Variants in MON2 observed in about 807,000 individuals in gnomAD.
MON2 encodes the protein MON2 regulator of endosome-to-Golgi trafficking, also known as protein MON2 homolog.
A neutral mutation model predicts 208.6 loss-of-function variants in MON2; 84 were observed. That is an observed-to-expected ratio of 0.40 (90% CI 0.34 to 0.48). MON2 has a LOEUF of 0.48. Among genes scored for constraint, MON2 ranks in the 20% least tolerant of loss-of-function variants. The pLI, the probability that MON2 is intolerant of heterozygous loss-of-function variation, is 0.59. For missense variants in MON2, 1,611 were observed against 2,015.4 expected, an observed-to-expected ratio of 0.80 and a Z score of 3.84; for synonymous variants, 660 against 694.0, an observed-to-expected ratio of 0.95 and a Z score of 0.77.
At chr12:62,550,909 CTTTTTTTTTTTTTTTTT>C (rs869160726) in intron 23 of MON2, among the ~76,000 whole-genome samples, 2 of 43,810 alleles carry the variant, frequency 4.6e-5, no homozygotes, top group Admixed American at 2.4e-4. Context: ...TTCTTTCTTT[CTTTTTTTTTTTTTTTTT>C]TTTTTTTTCT....
At chr12:62,489,389 G>A (rs994367841) in intron 2 of MON2, among the ~76,000 whole-genome samples, 12 of 151,132 alleles carry the variant, frequency 7.9e-5, no homozygotes, top group African/African-American at 2.7e-4. Flanking sequence ...TCATTTCTTC[G>A]AACTTTTGTG....
chr12:62,548,779 T>A (rs1004330629), intron 22 of MON2, among the ~76,000 whole-genome samples: 2 of 152,192 alleles, frequency 1.3e-5, no homozygotes, highest in Non-Finnish European at 2.9e-5. Flanking sequence ...ATTATACTTA[T>A]CATTTTCATT....
At chr12:62,577,643 G>A (rs1259739710) in intron 30 of MON2, among the ~76,000 whole-genome samples, 2 of 151,962 alleles carry the variant, frequency 1.3e-5, no homozygotes, top group East Asian at 1.9e-4. Context: ...ATATTAGTAG[G>A]CATTCTAAGT....
intron 24 of MON2, among the ~76,000 whole-genome samples, chr12:62,555,751 G>A (rs1478761733): frequency 6.7e-6 from 1 of 149,672 alleles, no homozygotes; most frequent in Non-Finnish European, 1.5e-5. Flanking sequence ...AGAGGTTGCA[G>A]TGAGGCGAGA....
At position 62,597,467 on chromosome 12, in the gene MON2, C is replaced by T. The variant is rs1321964497; in HGVS notation, c.*4718C>T. 2.0e-5 allele frequency: 3 copies of T among 152,138 alleles called. No individual in the cohort carries two copies. The highest frequency in any genetic ancestry group is 2.1e-4 in the South Asian group (1 of 4,810). The allele number at this position is 152,138 out of a possible 1,614,324, so 9.4% of individuals were successfully genotyped here. On this transcript the variant is annotated 3_prime_UTR_variant, in exon 35 of 35. Transcript: ENST00000393630. ...ATACTTTGCACTTTGGCCACTGTTG[C>T]GTTTTTGCCAAGGTAAAGTTCCCCT...
At position 62,467,036 on chromosome 12, in the gene MON2, G is replaced by T. The variant is rs184094253; in HGVS notation, c.-172G>T. The T allele has an allele frequency of 7.0e-4, 391 of 562,342 alleles. 3 individuals are homozygous for T. Among genetic ancestry groups the T allele is most frequent in the African/African-American group, 6.8e-3 (352 of 51,500 alleles). 34.8% of individuals were successfully genotyped at this position (562,342 alleles called of 1,614,324 possible). ...TCCGAGAAAAGCCAGAGGTGTTGCG[G>T]GGAAGCTGCTGGGGGACGCTCGAGC... On this transcript the variant is annotated 5_prime_UTR_variant, in exon 1 of 35. Transcript: ENST00000393630.
chr12:62,475,214 G>T (rs1203791483), intron 1 of MON2, among the ~76,000 whole-genome samples: 1 of 151,930 alleles, frequency 6.6e-6, no homozygotes, highest in Admixed American at 6.6e-5. Flanking sequence ...TGTCTTTCAT[G>T]TTATGGCTTC....
At chr12:62,582,767 AC>A (rs1424701761) in intron 32 of MON2, among the ~76,000 whole-genome samples, 3 of 152,130 alleles carry the variant, frequency 2.0e-5, no homozygotes, top group Non-Finnish European at 4.4e-5. Flanking sequence ...TACATACAAA[AC>A]TTTTATTTGC....
Position 62,525,946 on chromosome 12 carries a change from C to T in MON2, c.1247-3C>T. The T allele has an allele frequency of 6.2e-7, 1 of 1,610,378 alleles. No individual in the cohort carries two copies. The highest frequency in any genetic ancestry group is 8.5e-7 in the Non-Finnish European group (1 of 1,178,526). On this transcript the variant is annotated splice_polypyrimidine_tract_variant and splice_region_variant and intron_variant, in intron 10 of 34. Transcript: ENST00000393630. ...TTTCTTTTTTTCCCTTCTTCTCTAA[C>T]AGGAAACAATAATTTAGGTGGCTCA...
chr12:62,491,562 T>C (rs184246852), intron 2 of MON2, among the ~76,000 whole-genome samples: 1 of 152,312 alleles, frequency 6.6e-6, no homozygotes, highest in Non-Finnish European at 1.5e-5. Flanking sequence ...GGGTCCTCTT[T>C]TAACTTCCAT....
chr12:62,481,515 C>CAAAA lies in MON2; in HGVS notation c.112-2638_112-2635dup, dbSNP rs5798644. On this transcript the variant is annotated intron_variant, in intron 1 of 34. Coordinates refer to ENST00000393630, the MANE Select transcript of MON2 (RefSeq NM_015026.3). ...TGGGCAACAGAGCGAGACTCCGTCT[C>CAAAA]AAAAAAAAAAAAAAAAAAAATTACT... Among the ~76,000 whole-genome samples the CAAAA allele has an allele frequency of 5.4e-5, 6 of 110,232 alleles. No homozygotes were observed. The South Asian group carries it at 9.8e-4, about 18-fold the overall frequency. 72.3% of individuals were successfully genotyped at this position (110,232 alleles called of 152,430 possible). A position where few individuals can be genotyped will look rare whatever the true frequency, so the allele number is the denominator to read the frequency against.
intron 1 of MON2, among the ~76,000 whole-genome samples, chr12:62,475,960 G>A (rs1443293404): frequency 2.0e-5 from 3 of 151,840 alleles, no homozygotes; most frequent in Admixed American, 1.3e-4. Flanking sequence ...GCAGTGAGCC[G>A]AGATCTCGCC....
At chr12:62,546,857 TGGAC>T in intron 21 of MON2, 36 bp from the exon 22 acceptor site, 1 of 1,485,492 alleles carries the variant, frequency 6.7e-7, no homozygotes, top group Middle Eastern at 1.8e-4. Flanking sequence ...CTTGTCTTTT[TGGAC>T]TTCTCTTCCT....
At chr12:62,592,512 G>C (rs1029474658) in intron 34 of MON2, 74 bp from the exon 35 acceptor site, 3 of 1,228,326 alleles carry the variant, frequency 2.4e-6, no homozygotes, top group African/African-American at 3.0e-5. Context: ...GCAGTTTAAA[G>C]GATTGTGTTC....
chr12:62,507,389 C>A (rs948421650), intron 7 of MON2, among the ~76,000 whole-genome samples: 1 of 150,738 alleles, frequency 6.6e-6, no homozygotes, highest in African/African-American at 2.4e-5. Flanking sequence ...GATCATGGCT[C>A]ACTGCAGCCT....
chr12:62,502,950 T>G (rs1298723901), intron 7 of MON2, among the ~76,000 whole-genome samples: 1 of 152,206 alleles, frequency 6.6e-6, no homozygotes, highest in Non-Finnish European at 1.5e-5. Context: ...TAATTTTTGG[T>G]ATACATTAGG....
chr12:62,551,828 A>G (rs2073760841), intron 23 of MON2, among the ~76,000 whole-genome samples: 1 of 152,226 alleles, frequency 6.6e-6, no homozygotes. Context: ...AATGTATATT[A>G]AAACTCAGAA....
At chr12:62,497,942 C>T (rs1226868912) in intron 4 of MON2, among the ~76,000 whole-genome samples, 1 of 152,232 alleles carries the variant, frequency 6.6e-6, no homozygotes, top group South Asian at 2.1e-4. Context: ...AAAAGTTAAA[C>T]CTATTCTTAC....
Position 62,495,020 on chromosome 12 carries a change from C to T in MON2, c.308C>T (p.Ala103Val). ...ATTAAAATAACTATTTTACAGACTG[C>T]AGCTGGAAATATAATTAACATGCTT... Reference protein sequence around the residue: ...LMSHEVVSETAAGNIINMLWQ... With the variant: ...LMSHEVVSETVAGNIINMLWQ... The change falls in exon 4 of 35, where the codon GCA becomes GTA. Residue 103 changes from alanine (A) to valine (V), a missense_variant. Transcript: ENST00000393630. 6.2e-7 allele frequency: 1 copy of T among 1,602,426 alleles called. No homozygotes were observed. Among genetic ancestry groups the T allele is most frequent in the Non-Finnish European group, 8.5e-7 (1 of 1,172,514 alleles).
Sources: allele counts gnomAD v4.1 joint callset (sites outside exome capture counted in the v4.1 genomes callset), GRCh38; gene constraint gnomAD v4.1.1; transcripts MANE v1.5; gene names NCBI Gene and HGNC (gene_info 2026-07-23, HGNC 2026-07-21).